TBC1D19: variants seen among roughly 807,000 people sequenced by gnomAD.
The protein encoded by TBC1D19 is TBC1 domain family member 19.
A neutral mutation model predicts 89.0 loss-of-function variants in TBC1D19; 60 were observed. The observed-to-expected ratio is 0.67, with a 90% confidence interval of 0.55 to 0.84. The LOEUF (loss-of-function observed/expected upper bound fraction) is 0.84, where lower values mean the gene tolerates loss of function less well. Among genes scored for constraint, TBC1D19 ranks in the 40% least tolerant of loss-of-function variants. TBC1D19 has a pLI of 0.00. For synonymous variants in TBC1D19, 189 were observed against 199.7 expected (o/e 0.95, Z 0.45); for missense variants, 500 against 610.8 (o/e 0.82, Z 1.91).
At chr4:26,704,383 G>A (rs1443216944) in intron 13 of TBC1D19, among the ~76,000 whole-genome samples, 3 of 152,160 alleles carry the variant, frequency 2.0e-5, no homozygotes, top group African/African-American at 7.2e-5. Context: ...TAAAAGGGAA[G>A]ACATGGAGAT....
At chr4:26,694,028 T>C (rs568457835) in intron 13 of TBC1D19, among the ~76,000 whole-genome samples, 1 of 152,138 alleles carries the variant, frequency 6.6e-6, no homozygotes, top group East Asian at 1.9e-4. Flanking sequence ...TTCACCTCAC[T>C]GGGGCTCGTC....
intron 17 of TBC1D19, chr4:26,740,855 A>G (rs1164541758): frequency 2.0e-6 from 2 of 985,186 alleles, no homozygotes; most frequent in Non-Finnish European, 2.4e-6. Flanking sequence ...ATATATTCCT[A>G]TTTCACCTTC....
the TBC1D19 span, among the ~76,000 whole-genome samples, chr4:26,833,714 G>A: frequency 1.3e-5 from 2 of 152,198 alleles, no homozygotes; most frequent in Admixed American, 6.5e-5. Flanking sequence ...ACAATGTGTC[G>A]CTAAACATTC....
chr4:26,851,311 ATCT>A, the TBC1D19 span, among the ~76,000 whole-genome samples: 1 of 114,900 alleles, frequency 8.7e-6, no homozygotes, highest in Non-Finnish European at 2.0e-5. Context: ...TACCCTATCT[ATCT>A]ATCTATCTAT....
chr4:26,705,583 C>A (rs1280145892), intron 13 of TBC1D19, among the ~76,000 whole-genome samples: 2 of 152,100 alleles, frequency 1.3e-5, no homozygotes, highest in Non-Finnish European at 2.9e-5. Flanking sequence ...CAAGCACAAA[C>A]CCTTGTTGTA....
rs1273342957 is a variant in TBC1D19, at chr4:26,735,474, ATT to A, written c.1107_1108del (p.Ser370AsnfsTer12). ...PPNGVIPFHGFSMYVAPLCFL... is the reference protein window; with the variant it reads ...PPNGVIPFHGXSMYVAPLCFL... ...TTTTAGGTGTTATCCCTTTTCATGG[ATT>A]TTCAATGTATGGTAAGTTGGGCTTT... On this transcript the variant is annotated frameshift_variant, in exon 16 of 21. Transcript: ENST00000264866. LOFTEE classifies it high-confidence loss of function. The A allele has an allele frequency of 6.4e-7, 1 of 1,555,642 alleles. No homozygotes were observed. Among genetic ancestry groups the A allele is most frequent in the Non-Finnish European group, 8.7e-7 (1 of 1,146,458 alleles).
chr4:26,584,786 C>T (rs1240615609), intron 1 of TBC1D19, among the ~76,000 whole-genome samples: 2 of 152,134 alleles, frequency 1.3e-5, no homozygotes, highest in African/African-American at 2.4e-5. Context: ...CTCGTCTATC[C>T]GTCCACCACC....
Position 26,620,663 on chromosome 4 carries a change from C to A in TBC1D19, c.269C>A (p.Pro90His), listed in dbSNP as rs746639409. 1.2e-6 allele frequency: 2 copies of A among 1,613,618 alleles called. No individual in the cohort carries two copies. The highest frequency in any genetic ancestry group is 1.1e-5 in the South Asian group (1 of 90,982). Residue 90 changes from proline to histidine, a missense_variant, in exon 4 of 21, where the codon CCT (proline) becomes CAT (histidine). Physicochemically the swap from Pro to His is moderately conservative, Grantham distance 77. Around this residue, in one of 2 missense-constraint regions of TBC1D19, gnomAD observed 280 missense variants for 291.7 expected, o/e 0.96. Transcript: ENST00000264866. ...GCACCTCCTGAACATCTTAAAGAACCTTTGGTATACATGAGGAAAGCACAG... is the reference window on the plus strand; with the variant it reads ...GCACCTCCTGAACATCTTAAAGAACATTTGGTATACATGAGGAAAGCACAG... ...PAAPPEHLKE[P>H]LVYMRKAQGS... is the part of the protein sequence containing the mutation.
chr4:26,784,860 A>G, the TBC1D19 span, among the ~76,000 whole-genome samples: 1 of 152,232 alleles, frequency 6.6e-6, no homozygotes, highest in Non-Finnish European at 1.5e-5. Flanking sequence ...CTGCCATGAT[A>G]TACATTCATA....
intron 7 of TBC1D19, among the ~76,000 whole-genome samples, chr4:26,647,669 G>C (rs1744067497): frequency 6.6e-6 from 1 of 152,034 alleles, no homozygotes; most frequent in Non-Finnish European, 1.5e-5. Context: ...TTCATCTCTG[G>C]TTACTGTCCT....
the TBC1D19 span, among the ~76,000 whole-genome samples, chr4:26,811,353 C>T: frequency 6.6e-6 from 1 of 152,124 alleles, no homozygotes; most frequent in African/African-American, 2.4e-5. Context: ...TGGGGCCTGT[C>T]GTGGAGTGCT....
chr4:26,692,959 G>C (rs1714431121), intron 13 of TBC1D19, among the ~76,000 whole-genome samples: 1 of 152,022 alleles, frequency 6.6e-6, no homozygotes, highest in African/African-American at 2.4e-5. Context: ...CAGGGGAAGA[G>C]ACAAAGAACC....
chr4:26,595,389 T>A (rs1327832747), intron 1 of TBC1D19, among the ~76,000 whole-genome samples: 1 of 152,236 alleles, frequency 6.6e-6, no homozygotes, highest in Non-Finnish European at 1.5e-5. Context: ...TTCAATATCT[T>A]TCTAAGAGCA....
intron 1 of TBC1D19, among the ~76,000 whole-genome samples, chr4:26,599,148 T>G (rs1740433481): frequency 6.6e-6 from 1 of 152,210 alleles, no homozygotes; most frequent in Non-Finnish European, 1.5e-5. Context: ...AATATGATTA[T>G]GTATCTTTAA....
the TBC1D19 span, among the ~76,000 whole-genome samples, chr4:26,791,766 C>A: frequency 6.6e-6 from 1 of 152,208 alleles, no homozygotes; most frequent in Admixed American, 6.5e-5. Flanking sequence ...ATTTAGTGAA[C>A]TGGGACAGGA....
intron 7 of TBC1D19, among the ~76,000 whole-genome samples, chr4:26,642,316 A>G (rs912045325): frequency 2.6e-5 from 4 of 152,344 alleles, no homozygotes; most frequent in African/African-American, 9.6e-5. Flanking sequence ...AGAATTTCAT[A>G]TCCAGCCAAA....
At chr4:26,697,520 G>C (rs925687944) in intron 13 of TBC1D19, among the ~76,000 whole-genome samples, 11 of 152,118 alleles carry the variant, frequency 7.2e-5, no homozygotes, top group African/African-American at 2.4e-4. Context: ...TATGAGGCCA[G>C]CATCATCCTG....
chr4:26,794,813 C>T, the TBC1D19 span, among the ~76,000 whole-genome samples: 1 of 152,094 alleles, frequency 6.6e-6, no homozygotes, highest in African/African-American at 2.4e-5. Context: ...AATATAACTG[C>T]AAAAATAAAA....
At chr4:26,756,459 A>T (rs994500570), downstream of TBC1D19, among the ~76,000 whole-genome samples, 10 of 152,130 alleles carry the variant, frequency 6.6e-5, no homozygotes, top group African/African-American at 2.4e-4. Context: ...CTAGTACACT[A>T]GATTGGAGAA....
Sources: gnomAD v4.1 joint callset for allele counts (sites outside exome capture counted in the v4.1 genomes callset) on GRCh38, gnomAD v4.1.1 for gene constraint, gnomAD v4.1.1 regional missense constraint, MANE v1.5 for transcripts, NCBI Gene and HGNC (gene_info 2026-07-23, HGNC 2026-07-21) for gene names.